Variants in CNTNAP2 observed in about 807,000 individuals in gnomAD.
CNTNAP2 encodes contactin-associated protein-like 2.
A neutral mutation model predicts 155.2 loss-of-function variants in CNTNAP2; 98 were observed. The observed-to-expected ratio is 0.63, with a 90% CI of 0.54 to 0.75. CNTNAP2 has a LOEUF of 0.75. CNTNAP2 is among the 30% of genes least tolerant of loss of function. The pLI is 0.00. For synonymous variants in CNTNAP2, 651 were observed against 631.2 expected (o/e 1.03, Z -0.47); for missense variants, 1,727 against 1,688.1 (o/e 1.02, Z -0.40).
chr7:147,089,927 T>C (rs971203001), intron 4 of CNTNAP2, among the ~76,000 whole-genome samples: 5 of 152,206 alleles, frequency 3.3e-5, no homozygotes, highest in Non-Finnish European at 7.3e-5. Context: ...TACTTGTTTC[T>C]CTGAAATGTT....
intron 1 of CNTNAP2, among the ~76,000 whole-genome samples, chr7:146,461,420 A>AT (rs755731022): frequency 6.6e-6 from 1 of 150,748 alleles, no homozygotes; most frequent in Non-Finnish European, 1.5e-5. Context: ...AAAAAAATAT[A>AT]ATAATAATAA....
At chr7:146,761,817 G>C (rs1443836448) in intron 1 of CNTNAP2, among the ~76,000 whole-genome samples, 2 of 135,914 alleles carry the variant, frequency 1.5e-5, no homozygotes, top group East Asian at 4.1e-4. Flanking sequence ...TTCTAGAAGG[G>C]GATACAACTT....
intron 8 of CNTNAP2, among the ~76,000 whole-genome samples, chr7:147,149,959 C>A (rs1801793594): frequency 6.6e-6 from 1 of 152,160 alleles, no homozygotes; most frequent in Admixed American, 6.5e-5. Context: ...AGGTAGGAAT[C>A]AAGACTGAAT....
At chr7:147,031,237 T>C (rs1316294608) in intron 3 of CNTNAP2, among the ~76,000 whole-genome samples, 2 of 152,114 alleles carry the variant, frequency 1.3e-5, no homozygotes, top group African/African-American at 4.8e-5. Context: ...GAAAAAATTA[T>C]AGGAGGTTTG....
intron 1 of CNTNAP2, among the ~76,000 whole-genome samples, chr7:146,637,397 T>G (rs1253519747): frequency 6.6e-6 from 1 of 152,236 alleles, no homozygotes. Context: ...ATAGCCAAGT[T>G]CCTTGTGTCA....
intron 14 of CNTNAP2, among the ~76,000 whole-genome samples, chr7:147,929,313 AC>A (rs1242478549): frequency 1.3e-5 from 2 of 151,988 alleles, no homozygotes; most frequent in African/African-American, 2.4e-5. Flanking sequence ...CTAATTGGAC[AC>A]TATAGGGACA....
chr7:147,317,925 T>C (rs1795264158), intron 9 of CNTNAP2, among the ~76,000 whole-genome samples: 1 of 152,158 alleles, frequency 6.6e-6, no homozygotes, highest in East Asian at 1.9e-4. Context: ...TCTTTCTTCT[T>C]ACCTAGTTTT....
chr7:147,514,870 G>A (rs958581620), intron 11 of CNTNAP2, among the ~76,000 whole-genome samples: 2 of 152,130 alleles, frequency 1.3e-5, no homozygotes, highest in Non-Finnish European at 2.9e-5. Context: ...TTTTGCAGTA[G>A]CTTCCTGCCT....
At chr7:146,236,301 A>G (rs769328155) in intron 1 of CNTNAP2, among the ~76,000 whole-genome samples, 2 of 152,210 alleles carry the variant, frequency 1.3e-5, no homozygotes, top group Non-Finnish European at 2.9e-5. Context: ...GCACTGAATG[A>G]TGTAATATTT....
At position 146,280,409 on chromosome 7, in the gene CNTNAP2, C is replaced by T. The variant is rs143034930; in HGVS notation, c.97+163436C>T. ...TCAACAGGTGTCTGCCCTTTTTTCA[C>T]GTCTCAAGGAATTAATTCCTATCTC... On this transcript the variant is annotated intron_variant, in intron 1 of 23. Transcript: ENST00000361727. Among the ~76,000 whole-genome samples the T allele has an allele frequency of 1.3e-4, 19 of 151,962 alleles. 1 individual carries two copies. Among genetic ancestry groups the T allele is most frequent in the African/African-American group, 3.9e-4 (16 of 41,458 alleles).
At position 148,008,031 on chromosome 7, in the gene CNTNAP2, C is replaced by T. The variant is rs147570121; in HGVS notation, c.2383+30042C>T. On this transcript the variant is annotated intron_variant, in intron 15 of 23. Transcript: ENST00000361727. ...TAAATGCGGAGATTTTCCTGCAATT[C>T]GCTGGGTAGGTAGAATCTAATCACA... 4.6e-5 allele frequency among the ~76,000 whole-genome samples: 7 copies of T among 152,078 alleles called. No homozygotes were observed. In the East Asian group the frequency reaches 7.7e-4, roughly 17 times the overall value.
Position 147,083,541 on chromosome 7 carries a change from TATATATATGTATATATATATATACAC to T in CNTNAP2, c.551-24584_551-24559del, listed in dbSNP as rs979838954. Among the ~76,000 whole-genome samples the T allele has an allele frequency of 1.6e-3, 203 of 129,216 alleles. 4 individuals are homozygous for T. In the East Asian group the frequency reaches 0.037, roughly 24 times the overall value. The allele number at this position is 129,216 out of a possible 152,430, so 84.8% of individuals were successfully genotyped here. Reference sequence around the variant, plus strand: ...ATCATTTTATATATATATATACATATATATATATGTATATATATATATACACATATATATGTATATATATATACACA... The same window carrying T: ...ATCATTTTATATATATATATACATATATATATATGTATATATATATACACA... On this transcript the variant is annotated intron_variant, in intron 4 of 23. Coordinates refer to ENST00000361727, the MANE Select transcript of CNTNAP2 (RefSeq NM_014141.6).
chr7:147,533,181 A>ATCCT (rs1217525544), intron 11 of CNTNAP2, among the ~76,000 whole-genome samples: 2 of 152,186 alleles, frequency 1.3e-5, no homozygotes, highest in Non-Finnish European at 2.9e-5. Flanking sequence ...GTTTTGTTTT[A>ATCCT]TTTTGATCTT....
chr7:148,322,198 T>G (rs1797801177), intron 21 of CNTNAP2, among the ~76,000 whole-genome samples: 1 of 152,144 alleles, frequency 6.6e-6, no homozygotes, highest in South Asian at 2.1e-4. Context: ...GCTAGTATTA[T>G]AGGCGTGAGC....
At chr7:147,094,088 A>C (rs975625949) in intron 4 of CNTNAP2, among the ~76,000 whole-genome samples, 8 of 152,114 alleles carry the variant, frequency 5.3e-5, no homozygotes, top group African/African-American at 1.9e-4. Context: ...ATGGCGGCAA[A>C]ACTTGGGGCA....
At chr7:146,222,541 AGTGTGTGTGT>A (rs10616515) in intron 1 of CNTNAP2, among the ~76,000 whole-genome samples, 18 of 147,368 alleles carry the variant, frequency 1.2e-4, no homozygotes, top group South Asian at 6.6e-4. Flanking sequence ...ACTAAAGCAT[AGTGTGTGTGT>A]GTGTGTGTGT....
chr7:147,866,765 T>TTTG (rs201107896), intron 13 of CNTNAP2, among the ~76,000 whole-genome samples: 4 of 151,480 alleles, frequency 2.6e-5, no homozygotes, highest in Non-Finnish European at 2.9e-5. Context: ...TTTTTTGTTT[T>TTTG]TTGTTGTTGT....
chr7:146,811,560 T>C (rs1342556321), intron 2 of CNTNAP2, among the ~76,000 whole-genome samples: 1 of 152,120 alleles, frequency 6.6e-6, no homozygotes, highest in East Asian at 1.9e-4. Context: ...ATATAAATTT[T>C]GTTTATGTTT....
chr7:146,972,583 TTC>T (rs1399426478), intron 3 of CNTNAP2, among the ~76,000 whole-genome samples: 2 of 152,194 alleles, frequency 1.3e-5, no homozygotes, highest in Non-Finnish European at 2.9e-5. Flanking sequence ...AACAAATTTT[TTC>T]ATATATAAAA....
Sources: gnomAD v4.1 joint callset for allele counts (sites outside exome capture counted in the v4.1 genomes callset) on GRCh38, gnomAD v4.1.1 for gene constraint, MANE v1.5 for transcripts, NCBI Gene and HGNC (gene_info 2026-07-23, HGNC 2026-07-21) for gene names.